The following SNX29 variants were observed in gnomAD, a reference collection of about 807,000 sequenced individuals.
SNX29 encodes sorting nexin-29.
SNX29 carries 78 observed loss-of-function variants against 102.1 expected under a neutral mutation model. The ratio of observed to expected loss-of-function variants is 0.76; its 90% CI spans 0.64 to 0.92. The LOEUF (loss-of-function observed/expected upper bound fraction) is 0.92. SNX29 is among the 40% of genes least tolerant of loss of function. SNX29 has a pLI of 0.00. For missense variants in SNX29, 1,280 were observed against 1,061.7 expected, an observed-to-expected ratio of 1.21 and a Z score of -2.86; for synonymous variants, 580 against 414.5, an observed-to-expected ratio of 1.40 and a Z score of -4.85.
intron 14 of SNX29, among the ~76,000 whole-genome samples, chr16:12,265,644 T>A (rs2078905065): frequency 7.3e-6 from 1 of 137,486 alleles, no homozygotes; most frequent in African/African-American, 2.8e-5. Context: ...GTGGATCAAT[T>A]GTGCCTAGGA....
intron 19 of SNX29, among the ~76,000 whole-genome samples, chr16:12,494,177 G>C (rs1474448448): frequency 6.6e-6 from 1 of 152,122 alleles, no homozygotes; most frequent in African/African-American, 2.4e-5. Context: ...GTGAGTTCCT[G>C]TCTCAACAAC....
chr16:12,554,979 C>T (rs1011828102), intron 20 of SNX29, among the ~76,000 whole-genome samples: 2 of 151,226 alleles, frequency 1.3e-5, no homozygotes, highest in African/African-American at 4.9e-5. Context: ...GGGGGTCAGT[C>T]AGCCGGAGCA....
intron 13 of SNX29, among the ~76,000 whole-genome samples, chr16:12,147,322 G>C (rs534710184): frequency 2.4e-4 from 36 of 152,138 alleles, no homozygotes; most frequent in African/African-American, 8.7e-4. Context: ...CCCCATCAAA[G>C]GACAGAAGCA....
At chr16:12,276,939 G>A (rs1325229955) in intron 14 of SNX29, among the ~76,000 whole-genome samples, 4 of 151,168 alleles carry the variant, frequency 2.6e-5, no homozygotes, top group Non-Finnish European at 4.4e-5. Flanking sequence ...TTTTCTAAAG[G>A]TTTTCTTGCT....
At chr16:12,505,095 C>A (rs13329927) in intron 19 of SNX29, among the ~76,000 whole-genome samples, 1 of 152,182 alleles carries the variant, frequency 6.6e-6, no homozygotes, top group African/African-American at 2.4e-5. Flanking sequence ...CATAGTGAGA[C>A]TCTGTCTCTA....
intron 20 of SNX29, among the ~76,000 whole-genome samples, chr16:12,537,504 C>T (rs2077129034): frequency 6.6e-6 from 1 of 152,200 alleles, no homozygotes; most frequent in Admixed American, 6.5e-5. Flanking sequence ...AGAGATTTCA[C>T]AGGCTTGTTG....
chr16:12,559,492 T>C (rs1302214942), intron 20 of SNX29, among the ~76,000 whole-genome samples: 1 of 151,826 alleles, frequency 6.6e-6, no homozygotes, highest in African/African-American at 2.4e-5. Context: ...GTAGTAATAA[T>C]AGAATGTACA....
rs2079119317 is a variant in SNX29, at chr16:12,568,746, G to A, written c.*117G>A. On this transcript the variant is annotated 3_prime_UTR_variant, in exon 21 of 21. Coordinates refer to ENST00000566228, the MANE Select transcript of SNX29 (RefSeq NM_032167.5). The stretch of plus-strand genomic sequence containing the variant: ...CCACGTCCACCTGGTGATCCTGAGA[G>A]CACACGATTCCCAACAGTTACACAA... 2 of 1,424,420 alleles carry A rather than the reference G, an allele frequency of 1.4e-6. No individual in the cohort carries two copies. The highest frequency in any genetic ancestry group is 1.4e-5 in the African/African-American group (1 of 70,088). 88.2% of individuals were successfully genotyped at this position (1,424,420 alleles called of 1,614,324 possible). A position where few individuals can be genotyped will look rare whatever the true frequency, so the allele number is the denominator to read the frequency against.
At chr16:12,095,550 C>T (rs572278268) in intron 11 of SNX29, among the ~76,000 whole-genome samples, 6 of 152,312 alleles carry the variant, frequency 3.9e-5, no homozygotes, top group Admixed American at 3.3e-4. Flanking sequence ...TGTTCACCAT[C>T]AGTATAGCAC....
chr16:12,480,109 C>G (rs1268112956), intron 19 of SNX29, among the ~76,000 whole-genome samples: 2 of 152,206 alleles, frequency 1.3e-5, no homozygotes, highest in Non-Finnish European at 1.5e-5. Flanking sequence ...TAGAACCTGT[C>G]AACAACATTA....
chr16:12,540,768 C>G (rs1210125683), intron 20 of SNX29, among the ~76,000 whole-genome samples: 1 of 152,198 alleles, frequency 6.6e-6, no homozygotes, highest in Non-Finnish European at 1.5e-5. Context: ...CGCCACCTCC[C>G]CTAGAGTGTC....
chr16:12,071,281 T>C (rs1488324365), intron 10 of SNX29, among the ~76,000 whole-genome samples: 1 of 152,232 alleles, frequency 6.6e-6, no homozygotes, highest in Non-Finnish European at 1.5e-5. Context: ...TAGGTTTTCT[T>C]ATAGGGTTTT....
At chr16:11,980,577 A>G (rs545277288) in intron 1 of SNX29, among the ~76,000 whole-genome samples, 1 of 152,292 alleles carries the variant, frequency 6.6e-6, no homozygotes, top group South Asian at 2.1e-4. Context: ...CCATTTGAGG[A>G]GCTGTGTCAG....
At chr16:12,249,269 G>T (rs148230197) in intron 14 of SNX29, among the ~76,000 whole-genome samples, 3 of 152,204 alleles carry the variant, frequency 2.0e-5, no homozygotes, top group African/African-American at 7.2e-5. Context: ...CTTGGCTCTG[G>T]CTGCTGGCCG....
chr16:12,187,110 A>G lies in SNX29; in HGVS notation c.1596-12491A>G, dbSNP rs557825050. ...GGAAGATCTGGCCACACAGGGCCAT[A>G]TTCCTGTCTGCCTGGTTTTGAGTCC... On this transcript the variant is annotated intron_variant, in intron 13 of 20. Coordinates refer to ENST00000566228, the MANE Select transcript of SNX29 (RefSeq NM_032167.5). Among the ~76,000 whole-genome samples the G allele has an allele frequency of 3.9e-5, 6 of 152,332 alleles. No homozygotes were observed. In the South Asian group the frequency reaches 1.0e-3, roughly 26 times the overall value.
At chr16:12,469,991 C>A (rs1485237678) in intron 18 of SNX29, among the ~76,000 whole-genome samples, 5 of 152,062 alleles carry the variant, frequency 3.3e-5, no homozygotes, top group African/African-American at 4.8e-5. Flanking sequence ...CCAGCCTGGG[C>A]AACAAGGGCA....
chr16:12,343,140 T>A (rs2081664653), intron 15 of SNX29, among the ~76,000 whole-genome samples: 1 of 152,184 alleles, frequency 6.6e-6, no homozygotes, highest in African/African-American at 2.4e-5. Flanking sequence ...GGGAATATGA[T>A]TAAAAACGCA....
chr16:12,196,616 T>C lies in SNX29; in HGVS notation c.1596-2985T>C, dbSNP rs1489496795. ...ACACTTTTTTTACTTTTCTTTTTTCTTTTTTCTTTTTTTTTTTTTTTTGGA... is the reference window on the plus strand; with the variant it reads ...ACACTTTTTTTACTTTTCTTTTTTCCTTTTTCTTTTTTTTTTTTTTTTGGA... On this transcript the variant is annotated intron_variant, in intron 13 of 20. Transcript: ENST00000566228. Among the ~76,000 whole-genome samples the C allele has an allele frequency of 3.7e-3, 407 of 109,128 alleles. 2 individuals carry two copies. Among genetic ancestry groups the C allele is most frequent in the African/African-American group, 0.01 (393 of 37,972 alleles). The allele number at this position is 109,128 out of a possible 152,430, so 71.6% of individuals were successfully genotyped here.
In SNX29 at chr16:12,052,202, C is replaced by T; in HGVS notation, c.1104C>T (p.Gly368=). 3 of 1,613,934 alleles carry T rather than the reference C, an allele frequency of 1.9e-6. No homozygotes were observed. The highest frequency in any genetic ancestry group is 4.5e-5 in the East Asian group (2 of 44,890). Residue 368 remains glycine (G), a synonymous_variant, in exon 8 of 21, where the codon GGC becomes GGT. Coordinates refer to ENST00000566228, the MANE Select transcript of SNX29 (RefSeq NM_032167.5). Reference sequence around the variant, plus strand: ...ACTCATCAGGAAGGAAGCACAGGGGCCACTCGGAGTCGCCCGAGAAGTAAG... The same window carrying T: ...ACTCATCAGGAAGGAAGCACAGGGGTCACTCGGAGTCGCCCGAGAAGTAAG... The part of the protein sequence containing the change: ...YGNSSGRKHR[G]HSESPEKPLE...
Sources: gnomAD v4.1 joint callset for allele counts (sites outside exome capture counted in the v4.1 genomes callset) on GRCh38, gnomAD v4.1.1 for gene constraint, MANE v1.5 for transcripts, NCBI Gene and HGNC (gene_info 2026-07-23, HGNC 2026-07-21) for gene names.